Variants in USP10 observed in about 807,000 individuals in gnomAD.
USP10 encodes ubiquitin carboxyl-terminal hydrolase 10.
USP10 carries 22 observed loss-of-function variants against 84.5 expected under a neutral mutation model. The observed-to-expected ratio is 0.26, with a 90% CI of 0.19 to 0.37. The LOEUF (loss-of-function observed/expected upper bound fraction) is 0.37, where lower values mean the gene tolerates loss of function less well. USP10 is among the 10% of genes least tolerant of loss of function. The pLI is 1.00. For missense variants in USP10, 1,019 were observed against 998.9 expected (o/e 1.02, Z -0.27); for synonymous variants, 454 against 387.6 (o/e 1.17, Z -2.01).
chr16:84,763,197 A>G, intron 9 of USP10, 109 bp downstream of exon 9: 1 of 589,796 alleles, frequency 1.7e-6, no homozygotes. Context: ...TTTCCTTTCA[A>G]ATAGCATTTA....
At chr16:84,704,209 A>G (rs1341787315) in intron 1 of USP10, among the ~76,000 whole-genome samples, 1 of 151,096 alleles carries the variant, frequency 6.6e-6, no homozygotes, top group African/African-American at 2.5e-5. Flanking sequence ...ACATGTAGGT[A>G]CTTCCTGTTA....
chr16:84,768,130 A>AT, intron 10 of USP10, 63 bp from the exon 11 acceptor site: 2 of 1,473,106 alleles, frequency 1.4e-6, no homozygotes, highest in Non-Finnish European at 1.8e-6. Context: ...CCCTTGGTTA[A>AT]TCTTAAGGGA....
chr16:84,777,032 C>T (rs922245013), intron 13 of USP10, among the ~76,000 whole-genome samples: 1 of 152,170 alleles, frequency 6.6e-6, no homozygotes, highest in Admixed American at 6.5e-5. Flanking sequence ...AGGCTGGAAG[C>T]CTATTCTGAT....
At position 84,779,728 on chromosome 16, in the gene USP10, T is replaced by A. The variant is rs889163874; in HGVS notation, c.*646T>A. 6.5e-5 allele frequency: 10 copies of A among 152,710 alleles called. No homozygotes were observed. Among genetic ancestry groups the A allele is most frequent in the African/African-American group, 1.9e-4 (8 of 41,462 alleles). The allele number at this position is 152,710 out of a possible 1,614,324, so 9.5% of individuals were successfully genotyped here. A position where few individuals can be genotyped will look rare whatever the true frequency, so the allele number is the denominator to read the frequency against. On this transcript the variant is annotated 3_prime_UTR_variant, in exon 14 of 14. Coordinates refer to ENST00000219473, the MANE Select transcript of USP10 (RefSeq NM_005153.3). ...TTGTAACTTTATTGCCATTAAAAGA[T>A]TTCAAATTGCATTCATGCTTCTGTG... is the stretch of plus-strand genomic sequence containing the variant.
At chr16:84,733,858 G>A (rs770188032) in intron 2 of USP10, among the ~76,000 whole-genome samples, 1 of 151,886 alleles carries the variant, frequency 6.6e-6, no homozygotes, top group African/African-American at 2.4e-5. Flanking sequence ...ATAGTCAATC[G>A]TAGTGTTTTA....
rs1477998548 is a variant in USP10 at position 84,745,138 on chromosome 16, C to G, written c.657C>G (p.Val219=). 1.2e-6 allele frequency: 2 copies of G among 1,613,538 alleles called. No individual in the cohort carries two copies. The highest frequency in any genetic ancestry group is 1.7e-6 in the Non-Finnish European group (2 of 1,179,708). ...CNSPQNSTDS[V]SDIVPDSPFP... ...GCCCCCAGAACTCCACAGACTCTGTCAGTGACATTGTGCCTGACAGTCCTT... is the reference window on the plus strand; with the variant it reads ...GCCCCCAGAACTCCACAGACTCTGTGAGTGACATTGTGCCTGACAGTCCTT... The change falls in exon 4 of 14, where the codon GTC becomes GTG. Residue 219 remains valine, a synonymous_variant. Transcript: ENST00000219473.
At chr16:84,764,650 G>T (rs1408498707) in intron 10 of USP10, among the ~76,000 whole-genome samples, 2 of 152,090 alleles carry the variant, frequency 1.3e-5, no homozygotes, top group Admixed American at 1.3e-4. Context: ...GATCAACATG[G>T]TGAAACCCCG....
chr16:84,704,235 C>G (rs1464108558), intron 1 of USP10, among the ~76,000 whole-genome samples: 4 of 152,166 alleles, frequency 2.6e-5, no homozygotes, highest in African/African-American at 9.7e-5. Context: ...TCCTGGTATT[C>G]AGGTGGCACA....
intron 1 of USP10, among the ~76,000 whole-genome samples, chr16:84,726,907 T>C (rs1488818324): frequency 6.6e-6 from 1 of 152,254 alleles, no homozygotes; most frequent in East Asian, 1.9e-4. Context: ...TACTGCTTTC[T>C]GATACCTCCT....
At chr16:84,760,677 C>T (rs911460400) in intron 8 of USP10, among the ~76,000 whole-genome samples, 3 of 152,176 alleles carry the variant, frequency 2.0e-5, no homozygotes, top group African/African-American at 7.2e-5. Context: ...CTTCATCATA[C>T]TTACAGGCTT....
At chr16:84,744,535 GAACTT>G in intron 3 of USP10, 93 bp from the exon 4 acceptor site, 2 of 1,160,922 alleles carry the variant, frequency 1.7e-6, no homozygotes, top group Non-Finnish European at 2.4e-6. Flanking sequence ...ATTAGGAAGA[GAACTT>G]AAGGTTTTTA....
In USP10 at chr16:84,723,708, A is replaced by T. The variant is rs560885273; in HGVS notation, c.22-9727A>T. On this transcript the variant is annotated intron_variant, in intron 1 of 13. Coordinates refer to ENST00000219473, the MANE Select transcript of USP10 (RefSeq NM_005153.3). ...AAGATGGATCTAACTCGATTCTTGTACTTTAAAGAAATCAGCTTTATGGAG... is the reference window on the plus strand; with the variant it reads ...AAGATGGATCTAACTCGATTCTTGTTCTTTAAAGAAATCAGCTTTATGGAG... 3.3e-5 allele frequency among the ~76,000 whole-genome samples: 5 copies of T among 152,370 alleles called. 1 individual carries two copies. In the South Asian group the frequency reaches 1.0e-3, roughly 32 times the overall value.
chr16:84,774,326 C>T (rs1294386811), intron 12 of USP10, among the ~76,000 whole-genome samples: 1 of 152,156 alleles, frequency 6.6e-6, no homozygotes. Context: ...CTGCCTCGAA[C>T]AGCATGCCTC....
intron 1 of USP10, among the ~76,000 whole-genome samples, chr16:84,712,420 C>G (rs538212978): frequency 2.0e-5 from 3 of 152,286 alleles, no homozygotes; most frequent in African/African-American, 7.2e-5. Context: ...TCTGGCTGCC[C>G]CAGTGTCCCC....
intron 4 of USP10, among the ~76,000 whole-genome samples, chr16:84,755,063 CCTTTT>C (rs1033504967): frequency 1.3e-5 from 2 of 151,538 alleles, no homozygotes; most frequent in African/African-American, 4.9e-5. Context: ...GCAATGCTTT[CCTTTT>C]AAGAGTGGAG....
At chr16:84,773,666 T>C (rs1427101362) in intron 12 of USP10, among the ~76,000 whole-genome samples, 2 of 152,196 alleles carry the variant, frequency 1.3e-5, no homozygotes, top group Admixed American at 1.3e-4. Flanking sequence ...TTATCACTCA[T>C]CAGCCGATTG....
chr16:84,750,560 G>T (rs1213524699), intron 4 of USP10, among the ~76,000 whole-genome samples: 3 of 152,180 alleles, frequency 2.0e-5, no homozygotes, highest in Non-Finnish European at 4.4e-5. Context: ...TGACGAACAT[G>T]TGACGTTTGA....
chr16:84,762,004 A>G (rs1233752888), intron 8 of USP10, among the ~76,000 whole-genome samples: 1 of 152,258 alleles, frequency 6.6e-6, no homozygotes, highest in Non-Finnish European at 1.5e-5. Flanking sequence ...CAGTTTACCT[A>G]GATGCTTCAA....
chr16:84,734,120 C>T (rs1228213670), intron 2 of USP10, among the ~76,000 whole-genome samples: 1 of 152,160 alleles, frequency 6.6e-6, no homozygotes, highest in East Asian at 1.9e-4. Flanking sequence ...CTGTGGGCTC[C>T]TCCGGGACAC....
Sources: gnomAD v4.1 joint callset for allele counts (sites outside exome capture counted in the v4.1 genomes callset) on GRCh38, gnomAD v4.1.1 for gene constraint, MANE v1.5 for transcripts, NCBI Gene and HGNC (gene_info 2026-07-23, HGNC 2026-07-21) for gene names.